The following LIFR variants were observed in gnomAD, a reference collection of about 807,000 sequenced individuals.
The protein encoded by LIFR is LIF receptor subunit alpha.
A neutral mutation model predicts 122.2 loss-of-function variants in LIFR; 84 were observed. The ratio of observed to expected loss-of-function variants is 0.69; its 90% CI spans 0.58 to 0.82. The LOEUF (loss-of-function observed/expected upper bound fraction) is 0.82. Ranked by LOEUF, LIFR falls within the 40% of genes least tolerant of loss-of-function variation. The pLI is 0.00. For missense variants in LIFR, 1,294 were observed against 1,311.6 expected (o/e 0.99, Z 0.21); for synonymous variants, 422 against 434.7 (o/e 0.97, Z 0.36).
At chr5:38,564,024 C>G (rs79765608) in intron 1 of LIFR, among the ~76,000 whole-genome samples, 2 of 152,300 alleles carry the variant, frequency 1.3e-5, no homozygotes. Context: ...GCTCTGAATT[C>G]TGTCTCTCTT....
chr5:38,549,589 G>A (rs892771898), intron 1 of LIFR, among the ~76,000 whole-genome samples: 1 of 152,106 alleles, frequency 6.6e-6, no homozygotes, highest in African/African-American at 2.4e-5. Context: ...TCAGGAGATC[G>A]AGACCATCCT....
intron 18 of LIFR, 99 bp from the exon 19 acceptor site, chr5:38,482,766 C>T: frequency 9.4e-6 from 5 of 533,110 alleles, no homozygotes; most frequent in Non-Finnish European, 1.6e-5. Flanking sequence ...TTTATGAATC[C>T]TTTAATGCAC....
chr5:38,510,074 TTTAA>T (rs1745714713), intron 7 of LIFR, among the ~76,000 whole-genome samples: 1 of 152,242 alleles, frequency 6.6e-6, no homozygotes, highest in South Asian at 2.1e-4. Context: ...CTATAATTTC[TTTAA>T]TTTAGATACT....
chr5:38,556,994 A>G (rs1748614870), upstream of LIFR: 2 of 152,166 alleles, frequency 1.3e-5, no homozygotes. Flanking sequence ...GCCTCCCCGA[A>G]TGCGGCCGCT....
At position 38,510,645 on chromosome 5, in the gene LIFR, AC is replaced by A; in HGVS notation, c.809del (p.Cys270PhefsTer3). On this transcript the variant is annotated frameshift_variant, in exon 7 of 20. Transcript: ENST00000453190. LOFTEE classifies it high-confidence loss of function. ...VILVGSDITFCCVSQEKVLSA... is the reference protein window; with the variant it reads ...VILVGSDITFXCVSQEKVLSA... ...ATAACACTTTTTCTTGACTCACACA[AC>A]AAAATGTTATGTCTGAGCCTACAAG... 6.2e-7 allele frequency: 1 copy of A among 1,613,974 alleles called. No homozygotes were observed. Among genetic ancestry groups the A allele is most frequent in the Non-Finnish European group, 8.5e-7 (1 of 1,179,904 alleles).
chr5:38,607,091 A>T (rs1012693251), intron 1 of LIFR, among the ~76,000 whole-genome samples: 13 of 152,218 alleles, frequency 8.5e-5, no homozygotes, highest in Non-Finnish European at 1.6e-4. Flanking sequence ...CATATTTTTT[A>T]AAAATAGTAT....
At chr5:38,530,450 T>C in intron 2 of LIFR, 56 bp downstream of exon 2, 1 of 1,516,370 alleles carries the variant, frequency 6.6e-7, no homozygotes, top group Non-Finnish European at 9.2e-7. Flanking sequence ...TGCTTCGTCA[T>C]CAAAATGGAA....
chr5:38,484,516 T>C (rs1361033409), intron 18 of LIFR, among the ~76,000 whole-genome samples: 1 of 152,246 alleles, frequency 6.6e-6, no homozygotes, highest in Non-Finnish European at 1.5e-5. Context: ...CCTATAAATA[T>C]TTTTTATAAT....
chr5:38,491,255 C>T (rs985536926), intron 14 of LIFR, among the ~76,000 whole-genome samples: 1 of 152,158 alleles, frequency 6.6e-6, no homozygotes, highest in Non-Finnish European at 1.5e-5. Context: ...TTAAATGTCT[C>T]CTGAATACAA....
At position 38,477,815 on chromosome 5, in the gene LIFR, T is replaced by G. The variant is rs948858717; in HGVS notation, c.*3780A>C. The G allele has an allele frequency of 2.3e-5, 5 of 217,624 alleles. No homozygotes were observed. Among genetic ancestry groups the G allele is most frequent in the Non-Finnish European group, 3.7e-5 (4 of 108,000 alleles). 13.5% of individuals were successfully genotyped at this position (217,624 alleles called of 1,614,324 possible). Reference sequence around the variant, plus strand: ...TGAGCTTTCACGATGTGCCTAGTCTTTGTAGCTAATAATCCCACATTTTAC... The same window carrying G: ...TGAGCTTTCACGATGTGCCTAGTCTGTGTAGCTAATAATCCCACATTTTAC... On this transcript the variant is annotated 3_prime_UTR_variant, in exon 20 of 20. Transcript: ENST00000453190.
chr5:38,559,143 A>G (rs888440687), upstream of LIFR: 1 of 152,258 alleles, frequency 6.6e-6, no homozygotes. Flanking sequence ...TGAGCTTCAC[A>G]GAAGACCTGC....
intron 12 of LIFR, 24 bp from the exon 13 acceptor site, chr5:38,496,619 A>G (rs1348896903): frequency 1.3e-6 from 2 of 1,545,982 alleles, no homozygotes; most frequent in Non-Finnish European, 8.9e-7. Flanking sequence ...ACAAATTGTT[A>G]TAAAACCCTG....
At chr5:38,572,286 A>C (rs1292191260) in intron 1 of LIFR, among the ~76,000 whole-genome samples, 1 of 152,122 alleles carries the variant, frequency 6.6e-6, no homozygotes, top group Non-Finnish European at 1.5e-5. Context: ...CTTACATGGC[A>C]GGAGCAGGAA....
intron 1 of LIFR, among the ~76,000 whole-genome samples, chr5:38,583,082 T>C (rs1374081278): frequency 6.6e-6 from 1 of 152,222 alleles, no homozygotes; most frequent in African/African-American, 2.4e-5. Context: ...AATTCCTCCC[T>C]ATACTCAGAG....
At position 38,476,878 on chromosome 5, in the gene LIFR, C is replaced by T. The variant is rs1360023758; in HGVS notation, c.*4717G>A. ...TTGCATAGGTAAATTCTGTTTATAA[C>T]ATGGACTCTGATAATCCAAATATTA... On this transcript the variant is annotated 3_prime_UTR_variant, in exon 20 of 20. Coordinates refer to ENST00000453190, the MANE Select transcript of LIFR (RefSeq NM_001127671.2). The T allele has an allele frequency of 4.7e-6, 1 of 213,270 alleles. No homozygotes were observed. Among genetic ancestry groups the T allele is most frequent in the African/African-American group, 2.3e-5 (1 of 44,246 alleles). The allele number at this position is 213,270 out of a possible 1,614,324, so 13.2% of individuals were successfully genotyped here.
At chr5:38,507,457 G>A (rs905221670) in intron 7 of LIFR, among the ~76,000 whole-genome samples, 3 of 151,464 alleles carry the variant, frequency 2.0e-5, no homozygotes, top group South Asian at 4.2e-4. Context: ...TCAGCTATTC[G>A]GGAGGCTGAG....
chr5:38,493,598 C>T lies in LIFR; in HGVS notation c.2065+8G>A, dbSNP rs751474433. 4 of 1,612,324 alleles carry T rather than the reference C, an allele frequency of 2.5e-6. No individual in the cohort carries two copies. Among genetic ancestry groups the T allele is most frequent in the Non-Finnish European group, 3.4e-6 (4 of 1,178,338 alleles). On this transcript the variant is annotated splice_region_variant and intron_variant, in intron 14 of 19. Transcript: ENST00000453190. ...AGAACTTAATTGAGAGACACTAATTCATCTTACCAGATTCTATTACAGTTT... is the reference window on the plus strand; with the variant it reads ...AGAACTTAATTGAGAGACACTAATTTATCTTACCAGATTCTATTACAGTTT...
At chr5:38,514,954 C>T (rs981750924) in intron 5 of LIFR, among the ~76,000 whole-genome samples, 7 of 152,086 alleles carry the variant, frequency 4.6e-5, no homozygotes, top group African/African-American at 1.7e-4. Flanking sequence ...AGCAATCCCC[C>T]AAAAGATACC....
chr5:38,550,808 A>G (rs1324009914), intron 1 of LIFR, among the ~76,000 whole-genome samples: 3 of 152,336 alleles, frequency 2.0e-5, no homozygotes, highest in East Asian at 1.9e-4. Flanking sequence ...TACACTGCCA[A>G]TCAGGACTCC....
Sources: gnomAD v4.1 joint callset for allele counts (sites outside exome capture counted in the v4.1 genomes callset) on GRCh38, gnomAD v4.1.1 for gene constraint, MANE v1.5 for transcripts, NCBI Gene and HGNC (gene_info 2026-07-23, HGNC 2026-07-21) for gene names.